The following HSD17B4 variants were observed in gnomAD, a reference collection of about 807,000 sequenced individuals.
HSD17B4 encodes peroxisomal multifunctional enzyme type 2.
A neutral mutation model predicts 101.0 loss-of-function variants in HSD17B4; 70 were observed. The ratio of observed to expected loss-of-function variants is 0.69; its 90% CI spans 0.57 to 0.85. The LOEUF (loss-of-function observed/expected upper bound fraction) is 0.85, where lower values mean the gene tolerates loss of function less well. Ranked by LOEUF, HSD17B4 falls within the 40% of genes least tolerant of loss-of-function variation. The pLI, the probability that HSD17B4 is intolerant of heterozygous loss-of-function variation, is 0.00. For synonymous variants in HSD17B4, 347 were observed against 297.1 expected (o/e 1.17, Z -1.73); for missense variants, 984 against 892.4 (o/e 1.10, Z -1.31).
intron 13 of HSD17B4, among the ~76,000 whole-genome samples, chr5:119,501,407 CAA>C (rs1751153886): frequency 1.3e-5 from 2 of 151,144 alleles, no homozygotes; most frequent in African/African-American, 4.9e-5. Context: ...GTGTATGCTT[CAA>C]GTTTTGGTTT....
At position 119,498,980 on chromosome 5, in the gene HSD17B4, C is replaced by A. The variant is rs17453513; in HGVS notation, c.973-337C>A. Reference sequence around the variant, plus strand: ...AGTGAACTTTATACATTAGATCTTACAAGCAATTTACTATCCTTAATAACA... The same window carrying A: ...AGTGAACTTTATACATTAGATCTTAAAAGCAATTTACTATCCTTAATAACA... On this transcript the variant is annotated intron_variant, in intron 12 of 23. Transcript: ENST00000510025. 0.026 allele frequency among the ~76,000 whole-genome samples: 4,030 copies of A among 152,278 alleles called. 95 individuals carry two copies. The highest frequency in any genetic ancestry group is 0.053 in the South Asian group (254 of 4,822).
rs780149071 is a variant in HSD17B4, at chr5:119,473,958, G to A, written c.163G>A (p.Ala55Thr). ...FKGVGKGSLAADKVVEEIRRR... is the reference protein window; with the variant it reads ...FKGVGKGSLATDKVVEEIRRR... ...AGGAGTTGGTAAAGGCTCCTTAGCT[G>A]CTGATAAGGTTGTTGAAGAAATAAG... Residue 55 changes from alanine to threonine, a missense_variant, in exon 3 of 24, where the codon GCT (alanine) becomes ACT (threonine). Physicochemically the swap from Ala to Thr is moderately conservative, Grantham distance 58 (BLOSUM62 0). Coordinates refer to ENST00000510025, the MANE Select transcript of HSD17B4 (RefSeq NM_000414.4). The A allele has an allele frequency of 3.1e-6, 5 of 1,613,044 alleles. No homozygotes were observed. The African/African-American group carries it at 4.0e-5, about 13-fold the overall frequency.
rs183220499 is a variant in HSD17B4, at chr5:119,491,707, G to A, written c.715-393G>A. On this transcript the variant is annotated intron_variant, in intron 9 of 23. Transcript: ENST00000510025. ...TTTATTTGGATCTCATGATATGCTA[G>A]GCAGTGTACTATTTATATTGTTTGC... Among the ~76,000 whole-genome samples, 261 of 152,164 alleles carry A rather than the reference G, an allele frequency of 1.7e-3. 6 individuals are homozygous for A. The South Asian group carries it at 0.047, about 27-fold the overall frequency.
At chr5:119,538,714 C>T (rs1754735362) in intron 23 of HSD17B4, among the ~76,000 whole-genome samples, 1 of 152,092 alleles carries the variant, frequency 6.6e-6, no homozygotes, top group African/African-American at 2.4e-5. Flanking sequence ...CAGTTCCTTC[C>T]CATCAGCTTT....
intron 1 of HSD17B4, among the ~76,000 whole-genome samples, chr5:119,456,104 A>G (rs1238413900): frequency 1.3e-5 from 2 of 152,190 alleles, no homozygotes; most frequent in East Asian, 3.8e-4. Flanking sequence ...GTGGTAGTAG[A>G]ATAGGTGGAA....
intron 14 of HSD17B4, among the ~76,000 whole-genome samples, chr5:119,505,014 C>T (rs1175467869): frequency 6.6e-6 from 1 of 152,116 alleles, no homozygotes; most frequent in Admixed American, 6.5e-5. Context: ...GGAGTCCTTT[C>T]CCCATTCCCT....
intron 17 of HSD17B4, among the ~76,000 whole-genome samples, chr5:119,521,868 G>A (rs74934964): frequency 1.2e-3 from 183 of 150,162 alleles, no homozygotes; most frequent in Non-Finnish European, 2.3e-3. Context: ...TTATTTGGAG[G>A]GGGGGTGGAT....
chr5:119,531,369 A>T lies in HSD17B4; in HGVS notation c.1958A>T (p.His653Leu). ...AAAGTAAATGCTGTATTTGAGTGGC[A>T]TATAACCAAAGGCGGAAATATTGGG... ...VKKVNAVFEWHITKGGNIGAK... is the reference protein window; with the variant it reads ...VKKVNAVFEWLITKGGNIGAK... Residue 653 changes from histidine (H) to leucine (L), a missense_variant, in exon 22 of 24, where the codon CAT becomes CTT. Coordinates refer to ENST00000510025, the MANE Select transcript of HSD17B4 (RefSeq NM_000414.4). 1.2e-6 allele frequency: 2 copies of T among 1,613,630 alleles called. No individual in the cohort carries two copies. Among genetic ancestry groups the T allele is most frequent in the South Asian group, 2.2e-5 (2 of 91,078 alleles).
rs769141059 is a variant in HSD17B4 at position 119,529,944 on chromosome 5, A to G, written c.1818A>G (p.Ala606=). The G allele has an allele frequency of 6.2e-7, 1 of 1,610,770 alleles. No individual in the cohort carries two copies. The highest frequency in any genetic ancestry group is 8.5e-7 in the Non-Finnish European group (1 of 1,177,422). ...IVISNAYVDL[A]PTSGTSAKTP... ...TTTCAAATGCATATGTGGATCTTGC[A>G]CCAACATCTGGTACTTCAGCTAAGA... The change falls in exon 21 of 24, where the codon GCA becomes GCG. Residue 606 remains alanine, a synonymous_variant. Transcript: ENST00000510025.
chr5:119,518,314 C>A (rs1752823506), intron 17 of HSD17B4, among the ~76,000 whole-genome samples: 1 of 152,086 alleles, frequency 6.6e-6, no homozygotes, highest in Non-Finnish European at 1.5e-5. Context: ...CCAGCGAGAC[C>A]ACGAACCCAC....
chr5:119,526,744 G>A (rs1363295402), intron 19 of HSD17B4, among the ~76,000 whole-genome samples: 1 of 151,778 alleles, frequency 6.6e-6, no homozygotes, highest in Non-Finnish European at 1.5e-5. Flanking sequence ...GAAATAAAAA[G>A]TGGAATTATT....
intron 14 of HSD17B4, 65 bp from the exon 15 acceptor site, chr5:119,506,753 T>G: frequency 1.1e-6 from 1 of 905,656 alleles, no homozygotes; most frequent in South Asian, 1.4e-5. Flanking sequence ...ATTAAATTCT[T>G]TCACATCTTA....
intron 8 of HSD17B4, among the ~76,000 whole-genome samples, chr5:119,486,080 G>A (rs1749587030): frequency 1.3e-5 from 2 of 152,164 alleles, no homozygotes; most frequent in African/African-American, 4.8e-5. Flanking sequence ...CCTGTTGTCA[G>A]GAGGCCTCAG....
intron 2 of HSD17B4, among the ~76,000 whole-genome samples, chr5:119,467,123 G>A (rs1212436663): frequency 6.6e-6 from 1 of 152,066 alleles, no homozygotes; most frequent in Admixed American, 6.5e-5. Flanking sequence ...TTTCTTCATT[G>A]TGATTAGAAA....
intron 8 of HSD17B4, 23 bp from the exon 9 acceptor site, chr5:119,489,167 GAT>G (rs1491581592): frequency 1.3e-4 from 179 of 1,398,700 alleles, no homozygotes; most frequent in Admixed American, 3.5e-4. Flanking sequence ...TGATTGATAA[GAT>G]ATGTGTATAT....
Position 119,488,093 on chromosome 5 carries a change from G to A in HSD17B4, c.623-1099G>A, listed in dbSNP as rs191288543. 3.9e-5 allele frequency among the ~76,000 whole-genome samples: 6 copies of A among 152,108 alleles called. No homozygotes were observed. In the East Asian group the frequency reaches 7.7e-4, roughly 20 times the overall value. Reference sequence around the variant, plus strand: ...CATTTCACAATTTTTGCATTTATTTGATCTTTTAGATAAAATTGTATGATT... The same window carrying A: ...CATTTCACAATTTTTGCATTTATTTAATCTTTTAGATAAAATTGTATGATT... On this transcript the variant is annotated intron_variant, in intron 8 of 23. Transcript: ENST00000510025.
At chr5:119,453,824 T>C (rs1168208374) in intron 1 of HSD17B4, among the ~76,000 whole-genome samples, 2 of 152,256 alleles carry the variant, frequency 1.3e-5, no homozygotes, top group African/African-American at 4.8e-5. Flanking sequence ...GAAAACATTT[T>C]GTTTACACTT....
intron 7 of HSD17B4, chr5:119,477,702 A>G (rs531060932): frequency 3.5e-6 from 2 of 564,800 alleles, no homozygotes; most frequent in Non-Finnish European, 6.5e-6. Context: ...GGAAAGCTTT[A>G]TATTTATTTT....
At chr5:119,513,503 C>T (rs1279374747) in intron 16 of HSD17B4, among the ~76,000 whole-genome samples, 1 of 152,274 alleles carries the variant, frequency 6.6e-6, no homozygotes, top group Non-Finnish European at 1.5e-5. Flanking sequence ...CCTGCCTCAG[C>T]CTCCCAAGTA....
Sources: gnomAD v4.1 joint callset for allele counts (sites outside exome capture counted in the v4.1 genomes callset) on GRCh38, gnomAD v4.1.1 for gene constraint, MANE v1.5 for transcripts, NCBI Gene and HGNC (gene_info 2026-07-23, HGNC 2026-07-21) for gene names.